F8: variants seen among roughly 807,000 people sequenced by gnomAD.
F8 encodes antihemophilic factor.
Under a neutral mutation model 140.6 loss-of-function variants are expected in F8, and 12 were observed. The observed-to-expected ratio is 0.09, with a 90% confidence interval of 0.05 to 0.14. The LOEUF (loss-of-function observed/expected upper bound fraction) is 0.14, where lower values mean the gene tolerates loss of function less well. Ranked by LOEUF, F8 falls within the 10% of genes least tolerant of loss-of-function variation. The pLI is 1.00. For missense variants in F8, 1,354 were observed against 1,720.7 expected (o/e 0.79, Z 3.77); for synonymous variants, 585 against 614.6 (o/e 0.95, Z 0.71).
chrX:154,948,039 T>C, intron 12 of F8, 132 bp from the exon 13 acceptor site: 1 of 563,655 alleles, frequency 1.8e-6, no homozygotes, highest in African/African-American at 2.2e-5. Context: ...AGATATTATA[T>C]CTTCCAAAAA....
At chrX:155,005,424 G>C (rs1557285994) in intron 1 of F8, among the ~76,000 whole-genome samples, 1 of 108,564 alleles carries the variant, frequency 9.2e-6, no homozygotes, top group African/African-American at 3.4e-5. Flanking sequence ...ACTTGGAGCA[G>C]CAGAAGTATG....
rs138637045 is a variant in F8, at chrX:154,989,333, G to C, written c.602-2028C>G. Among the ~76,000 whole-genome samples the C allele has an allele frequency of 2.2e-3, 247 of 111,065 alleles. 7 individuals carry two copies. The East Asian group carries it at 0.048, about 22-fold the overall frequency. On this transcript the variant is annotated intron_variant, in intron 4 of 25. Transcript: ENST00000360256. ...TATAAGCTCATGAAACCCCATCATCGTCAAGATACAGATCCATTTCAATAT... is the reference window on the plus strand; with the variant it reads ...TATAAGCTCATGAAACCCCATCATCCTCAAGATACAGATCCATTTCAATAT...
intron 13 of F8, among the ~76,000 whole-genome samples, chrX:154,947,407 A>G (rs781958425): frequency 1.4e-4 from 15 of 111,049 alleles, no homozygotes; most frequent in Admixed American, 3.9e-4. Context: ...AGGATGTGGC[A>G]AAAGGGGAAT....
At chrX:154,849,381 C>A (rs1191039116) in intron 25 of F8, among the ~76,000 whole-genome samples, 1 of 109,877 alleles carries the variant, frequency 9.1e-6, no homozygotes, top group Non-Finnish European at 1.9e-5. Context: ...TGCATAATTT[C>A]TTTTCCCATT....
intron 25 of F8, among the ~76,000 whole-genome samples, chrX:154,849,267 C>T (rs868956390): frequency 9.0e-5 from 10 of 110,782 alleles, no homozygotes; most frequent in Non-Finnish European, 1.9e-4. Flanking sequence ...TGAGCCACCG[C>T]GTCCAGCCAT....
intron 13 of F8, among the ~76,000 whole-genome samples, chrX:154,943,015 T>C (rs1557279983): frequency 9.0e-6 from 1 of 110,892 alleles, no homozygotes; most frequent in Non-Finnish European, 1.9e-5. Flanking sequence ...ATGGGACGTA[T>C]CTCAAAATAA....
intron 6 of F8, among the ~76,000 whole-genome samples, chrX:154,983,476 C>T (rs2073540965): frequency 9.0e-6 from 1 of 111,519 alleles, no homozygotes; most frequent in Admixed American, 9.5e-5. Flanking sequence ...TTACCATAGT[C>T]TGGGGTGGGG....
chrX:154,978,895 G>C (rs1169763984), intron 6 of F8, among the ~76,000 whole-genome samples: 2 of 111,216 alleles, frequency 1.8e-5, no homozygotes, highest in African/African-American at 6.6e-5. Flanking sequence ...CTTAGGGTGT[G>C]GTTATTAGTG....
At chrX:154,856,297 G>A (rs2072650672) in intron 25 of F8, among the ~76,000 whole-genome samples, 1 of 112,475 alleles carries the variant, frequency 8.9e-6, no homozygotes, top group Non-Finnish European at 1.9e-5. Context: ...CTTCTCTGTA[G>A]GTGACACCTT....
intron 14 of F8, among the ~76,000 whole-genome samples, chrX:154,927,423 A>C (rs2073166866): frequency 8.9e-6 from 1 of 111,996 alleles, no homozygotes. Context: ...ATCAAGTACA[A>C]AACTGGAGAG....
rs1557274896 is a variant in F8, at chrX:154,888,408, C to CTTT, written c.6429+7668_6429+7669insAAA. Among the ~76,000 whole-genome samples, 19 of 53,358 alleles carry CTTT rather than the reference C, an allele frequency of 3.6e-4. 1 individual carries two copies. The highest frequency in any genetic ancestry group is 6.2e-4 in the African/African-American group (7 of 11,220). 46.3% of individuals were successfully genotyped at this position (53,358 alleles called of 115,157 possible). ...TTTTTTTTTTTTTTTTTTTTTTTTC[C>CTTT]CCCCGAGATGGAGTCTCACTCTGTC... is the stretch of plus-strand genomic sequence containing the variant. On this transcript the variant is annotated intron_variant, in intron 22 of 25. Coordinates refer to ENST00000360256, the MANE Select transcript of F8 (RefSeq NM_000132.4).
intron 1 of F8, among the ~76,000 whole-genome samples, chrX:155,004,588 GA>G (rs1569560037): frequency 8.9e-6 from 1 of 112,090 alleles, no homozygotes. Context: ...TCTAGCTACT[GA>G]TGTTGTTAAT....
intron 14 of F8, among the ~76,000 whole-genome samples, chrX:154,925,839 C>G (rs782621303): frequency 2.7e-5 from 3 of 112,179 alleles, no homozygotes; most frequent in Non-Finnish European, 5.6e-5. Context: ...TGAGTTAATG[C>G]TGAAATGTGT....
In F8 at chrX:154,966,117, G is replaced by C; in HGVS notation, c.1296C>G (p.Asn432Lys). Residue 432 changes from asparagine to lysine, a missense_variant, in exon 9 of 26, where the codon AAC becomes AAG. Around this residue, in one of 4 missense-constraint regions of F8, gnomAD observed 252 missense variants for 338.5 expected, o/e 0.74. Transcript: ENST00000360256. ...TCCTACCAATCCGCTGAGGGCCATT[G>C]TTCAAATATTGACTTTTATAACTTC... ...DDRSYKSQYL[N>K]NGPQRIGRKY... is the part of the protein sequence containing the mutation. 1.7e-6 allele frequency: 2 copies of C among 1,210,083 alleles called. No individual in the cohort carries two copies.
At chrX:154,910,685 A>G (rs1468741585) in intron 14 of F8, among the ~76,000 whole-genome samples, 1 of 112,073 alleles carries the variant, frequency 8.9e-6, no homozygotes, top group Non-Finnish European at 1.9e-5. Flanking sequence ...GTTTCTCCCC[A>G]TGTGATAGCC....
intron 9 of F8, among the ~76,000 whole-genome samples, chrX:154,965,555 G>A (rs888705592): frequency 5.4e-5 from 6 of 110,810 alleles, no homozygotes; most frequent in African/African-American, 6.6e-5. Flanking sequence ...TTGCTCCTCC[G>A]CCTTCTCCTC....
At chrX:154,932,409 G>A (rs1014355570) in intron 13 of F8, among the ~76,000 whole-genome samples, 1 of 111,681 alleles carries the variant, frequency 9.0e-6, no homozygotes, top group African/African-American at 3.3e-5. Context: ...ATTACATGGT[G>A]GTAAAGTAGA....
chrX:154,941,032 G>T (rs1557279693), intron 13 of F8, among the ~76,000 whole-genome samples: 1 of 111,908 alleles, frequency 8.9e-6, no homozygotes, highest in Non-Finnish European at 1.9e-5. Context: ...ACATGGAAAG[G>T]AGCAACCAGT....
intron 14 of F8, among the ~76,000 whole-genome samples, chrX:154,925,002 G>A (rs2073152766): frequency 8.9e-6 from 1 of 112,289 alleles, no homozygotes; most frequent in Admixed American, 9.3e-5. Flanking sequence ...AGGGGCTGGT[G>A]TGAAGACCTC....
Sources: allele counts gnomAD v4.1 joint callset (sites outside exome capture counted in the v4.1 genomes callset), GRCh38; gene constraint gnomAD v4.1.1; regional missense constraint gnomAD v4.1.1; transcripts MANE v1.5; gene names NCBI Gene and HGNC (gene_info 2026-07-23, HGNC 2026-07-21).